SLC35D2: variants seen among roughly 807,000 people sequenced by gnomAD.
SLC35D2 encodes the protein nucleotide sugar transporter SLC35D2.
SLC35D2 carries 43 observed loss-of-function variants against 41.8 expected under a neutral mutation model. That is an observed-to-expected ratio of 1.03 (90% confidence interval 0.81 to 1.33). SLC35D2 has a LOEUF of 1.33. Among genes scored for constraint, SLC35D2 ranks in the 40% most tolerant of loss-of-function variants. The probability of loss-of-function intolerance (pLI) is 0.00; values close to 1 mark genes in which losing one functional copy is unlikely to be tolerated. For synonymous variants in SLC35D2, 150 were observed against 163.9 expected, an observed-to-expected ratio of 0.92 and a Z score of 0.65; for missense variants, 380 against 408.4, an observed-to-expected ratio of 0.93 and a Z score of 0.60.
At chr9:96,331,993 G>A (rs1284590541) in intron 9 of SLC35D2, among the ~76,000 whole-genome samples, 2 of 152,148 alleles carry the variant, frequency 1.3e-5, no homozygotes, top group African/African-American at 2.4e-5. Flanking sequence ...CCAAGAAACC[G>A]GTCCCTGGTG....
At chr9:96,382,468 C>CACAT (rs1313317007) in intron 1 of SLC35D2, among the ~76,000 whole-genome samples, 1 of 120,318 alleles carries the variant, frequency 8.3e-6, no homozygotes, top group South Asian at 2.6e-4. Context: ...AAATATTATA[C>CACAT]ACACACACAC....
At position 96,355,491 on chromosome 9, in the gene SLC35D2, G is replaced by GAA. The variant is rs536515204; in HGVS notation, c.348-3384_348-3383dup. On this transcript the variant is annotated intron_variant, in intron 4 of 11. Coordinates refer to ENST00000253270, the MANE Select transcript of SLC35D2 (RefSeq NM_007001.3). ...CAACAGAGTGAGATATTGTCTCTAA[G>GAA]AAAAAAAAAAAATTTTTTTTTTTTG... 1.1e-3 allele frequency among the ~76,000 whole-genome samples: 161 copies of GAA among 145,422 alleles called. 1 individual carries two copies. The highest frequency in any genetic ancestry group is 3.7e-3 in the African/African-American group (147 of 39,578).
chr9:96,333,264 T>C (rs112877814), intron 9 of SLC35D2, among the ~76,000 whole-genome samples: 2 of 152,030 alleles, frequency 1.3e-5, no homozygotes, highest in African/African-American at 4.8e-5. Context: ...AAAAGGGCAT[T>C]TGTTTTTAAG....
Position 96,336,785 on chromosome 9 carries a change from C to T in SLC35D2, c.685-1G>A, listed in dbSNP as rs2130882019. The T allele has an allele frequency of 5.8e-6, 9 of 1,546,834 alleles. No homozygotes were observed. The highest frequency in any genetic ancestry group is 7.9e-6 in the Non-Finnish European group (9 of 1,132,266). On this transcript the variant is annotated splice_acceptor_variant, in intron 8 of 11. Coordinates refer to ENST00000253270, the MANE Select transcript of SLC35D2 (RefSeq NM_007001.3). LOFTEE classifies it high-confidence loss of function. ...TCTTCCATTGGTTGAATTCAGTAGC[C>T]TATTATTAAAAAGAAAAAAACTAAT...
intron 2 of SLC35D2, among the ~76,000 whole-genome samples, chr9:96,366,357 T>C (rs1004598336): frequency 6.6e-6 from 1 of 150,736 alleles, no homozygotes; most frequent in African/African-American, 2.4e-5. Flanking sequence ...ATAAATATAC[T>C]AACACTTAAA....
downstream of SLC35D2, among the ~76,000 whole-genome samples, chr9:96,318,735 T>C (rs1471834626): frequency 1.3e-5 from 2 of 152,024 alleles, no homozygotes; most frequent in Non-Finnish European, 2.9e-5. Flanking sequence ...GGCAGGAGGA[T>C]CATTTGTGCC....
chr9:96,324,844 C>T (rs536096923), intron 9 of SLC35D2, among the ~76,000 whole-genome samples: 153 of 151,676 alleles, frequency 1.0e-3, no homozygotes, highest in African/African-American at 3.5e-3. Flanking sequence ...CGTGAGCCAC[C>T]GCGCCTGGCC....
intron 11 of SLC35D2, among the ~76,000 whole-genome samples, 182 bp downstream of exon 11, chr9:96,321,816 C>T (rs1340247787): frequency 6.6e-6 from 1 of 152,102 alleles, no homozygotes; most frequent in Non-Finnish European, 1.5e-5. Flanking sequence ...ACACGTGTCC[C>T]CATGGATCTG....
chr9:96,331,798 C>T (rs573461976), intron 9 of SLC35D2, among the ~76,000 whole-genome samples: 2 of 152,300 alleles, frequency 1.3e-5, no homozygotes, highest in East Asian at 1.9e-4. Flanking sequence ...GCCTGAGCTC[C>T]GCCTCCTGTC....
At chr9:96,332,813 C>G in intron 9 of SLC35D2, among the ~76,000 whole-genome samples, 1 of 152,066 alleles carries the variant, frequency 6.6e-6, no homozygotes, top group Admixed American at 6.5e-5. Context: ...AACTAACATC[C>G]ACCTTGTTTC....
rs539576375 is a variant in SLC35D2 at position 96,371,474 on chromosome 9, C to CAAAAAAAAAAAAAAAAA, written c.159-3186_159-3170dup. 1.6e-3 allele frequency among the ~76,000 whole-genome samples: 74 copies of CAAAAAAAAAAAAAAAAA among 46,642 alleles called. 2 individuals are homozygous for CAAAAAAAAAAAAAAAAA. Among genetic ancestry groups the CAAAAAAAAAAAAAAAAA allele is most frequent in the East Asian group, 3.6e-3 (4 of 1,110 alleles). 30.6% of individuals were successfully genotyped at this position (46,642 alleles called of 152,430 possible). ...TGGGTGACAGAGCGAGACTCTGTCTCAAAAAAAAAAAAAAAAAAAAAAAAA... is the reference window on the plus strand; with the variant it reads ...TGGGTGACAGAGCGAGACTCTGTCTCAAAAAAAAAAAAAAAAAAAAAAAAAAAAAAAAAAAAAAAAAA... On this transcript the variant is annotated intron_variant, in intron 1 of 11. Transcript: ENST00000253270.
At chr9:96,357,286 A>G (rs1020981621) in intron 4 of SLC35D2, 1 of 152,258 alleles carries the variant, frequency 6.6e-6, no homozygotes, top group Non-Finnish European at 1.5e-5. Flanking sequence ...ATGGAAAAAG[A>G]ACAGTCTTTT....
At chr9:96,338,309 T>C (rs1253183776) in intron 8 of SLC35D2, among the ~76,000 whole-genome samples, 1 of 152,202 alleles carries the variant, frequency 6.6e-6, no homozygotes, top group South Asian at 2.1e-4. Flanking sequence ...AGAATTCTCT[T>C]CTCCAATCTG....
downstream of SLC35D2, among the ~76,000 whole-genome samples, chr9:96,316,619 C>T (rs1828059464): frequency 6.6e-6 from 1 of 152,090 alleles, no homozygotes; most frequent in Non-Finnish European, 1.5e-5. Context: ...TTTCTAAGAG[C>T]CCCCAAGTTA....
intron 1 of SLC35D2, among the ~76,000 whole-genome samples, chr9:96,381,227 C>T (rs997037958): frequency 7.9e-5 from 12 of 152,260 alleles, no homozygotes; most frequent in African/African-American, 2.9e-4. Flanking sequence ...CTCATCCTTC[C>T]ACCCTGGTCC....
chr9:96,353,022 T>TA lies in SLC35D2; in HGVS notation c.348-914dup, dbSNP rs964150103. 7.9e-5 allele frequency among the ~76,000 whole-genome samples: 12 copies of TA among 151,252 alleles called. No homozygotes were observed. In the South Asian group the frequency reaches 8.4e-4, roughly 11 times the overall value. ...CACTGCAACCTCTGTCTCAAAAAAA[T>TA]AAAAAAAAGTTCTGACCTTGGACCT... On this transcript the variant is annotated intron_variant, in intron 4 of 11. Coordinates refer to ENST00000253270, the MANE Select transcript of SLC35D2 (RefSeq NM_007001.3).
intron 9 of SLC35D2, among the ~76,000 whole-genome samples, chr9:96,326,411 T>C (rs1208346797): frequency 6.6e-6 from 1 of 152,208 alleles, no homozygotes; most frequent in Non-Finnish European, 1.5e-5. Flanking sequence ...AATAAGCCAT[T>C]TATCAAATAA....
intron 9 of SLC35D2, among the ~76,000 whole-genome samples, chr9:96,330,380 T>C (rs927382285): frequency 6.6e-6 from 1 of 152,172 alleles, no homozygotes; most frequent in South Asian, 2.1e-4. Flanking sequence ...TCCAGTCGAA[T>C]TGATACCTGA....
At chr9:96,369,707 A>G (rs1385512911) in intron 1 of SLC35D2, among the ~76,000 whole-genome samples, 6 of 152,136 alleles carry the variant, frequency 3.9e-5, no homozygotes, top group Admixed American at 3.9e-4. Flanking sequence ...GCACTGGGTG[A>G]TTTGGATGCA....
Sources: allele counts gnomAD v4.1 joint callset (sites outside exome capture counted in the v4.1 genomes callset), GRCh38; gene constraint gnomAD v4.1.1; transcripts MANE v1.5; gene names NCBI Gene and HGNC (gene_info 2026-07-23, HGNC 2026-07-21).